The following COL25A1 variants were observed in gnomAD, a reference collection of about 807,000 sequenced individuals.
COL25A1 encodes the protein collagen alpha-1(XXV) chain.
COL25A1 carries 103 observed loss-of-function variants against 128.4 expected under a neutral mutation model. That is an observed-to-expected ratio of 0.80 (90% CI 0.68 to 0.94). COL25A1 has a LOEUF of 0.94. Ranked by LOEUF, COL25A1 falls within the 40% of genes least tolerant of loss-of-function variation. The pLI, the probability that COL25A1 is intolerant of heterozygous loss-of-function variation, is 0.00. For synonymous variants in COL25A1, 279 were observed against 277.2 expected (o/e 1.01, Z -0.06); for missense variants, 745 against 840.0 (o/e 0.89, Z 1.40).
chr4:109,149,788 A>C (rs1771295375), intron 3 of COL25A1, among the ~76,000 whole-genome samples: 1 of 152,198 alleles, frequency 6.6e-6, no homozygotes, highest in Admixed American at 6.5e-5. Flanking sequence ...TATAGATATG[A>C]AAAATGATGT....
chr4:108,992,378 G>T (rs184629626), intron 6 of COL25A1, among the ~76,000 whole-genome samples: 47 of 152,264 alleles, frequency 3.1e-4, no homozygotes, highest in African/African-American at 1.1e-3. Flanking sequence ...ATGGTCAATA[G>T]ATCTTTGTAA....
At chr4:109,017,884 G>T (rs1378551808) in intron 5 of COL25A1, among the ~76,000 whole-genome samples, 1 of 152,050 alleles carries the variant, frequency 6.6e-6, no homozygotes, top group Non-Finnish European at 1.5e-5. Flanking sequence ...AGAAACCCAA[G>T]CTTGACTACT....
intron 8 of COL25A1, among the ~76,000 whole-genome samples, chr4:108,946,881 G>A (rs2125937631): frequency 6.6e-6 from 1 of 152,216 alleles, no homozygotes; most frequent in African/African-American, 2.4e-5. Context: ...TAGAACTAGA[G>A]GAGGGACAAA....
chr4:108,998,421 C>A (rs1237023653), intron 6 of COL25A1, among the ~76,000 whole-genome samples: 3 of 152,084 alleles, frequency 2.0e-5, no homozygotes, highest in South Asian at 2.1e-4. Flanking sequence ...ATGTGAAGGA[C>A]CTCTTCAAGG....
intron 19 of COL25A1, among the ~76,000 whole-genome samples, chr4:108,878,920 A>G (rs1489514880): frequency 6.6e-6 from 1 of 152,194 alleles, no homozygotes; most frequent in African/African-American, 2.4e-5. Flanking sequence ...CGATAACACA[A>G]TGTTATTCGT....
chr4:109,164,001 T>C (rs1772829130), intron 3 of COL25A1, among the ~76,000 whole-genome samples: 1 of 151,862 alleles, frequency 6.6e-6, no homozygotes, highest in African/African-American at 2.4e-5. Context: ...AATTAACGAG[T>C]GGTATGGCTC....
intron 3 of COL25A1, among the ~76,000 whole-genome samples, chr4:109,204,065 A>C (rs1776785373): frequency 6.6e-6 from 1 of 152,198 alleles, no homozygotes; most frequent in African/African-American, 2.4e-5. Context: ...TAGTTCTGCA[A>C]GCTTATTATT....
At chr4:109,025,922 TG>T (rs955463323) in intron 5 of COL25A1, among the ~76,000 whole-genome samples, 5 of 152,116 alleles carry the variant, frequency 3.3e-5, no homozygotes, top group African/African-American at 4.8e-5. Context: ...GTTCAAACTA[TG>T]AACATGGGTT....
At chr4:108,832,218 C>A (rs1283614776) in intron 32 of COL25A1, among the ~76,000 whole-genome samples, 162 bp downstream of exon 32, 5 of 152,122 alleles carry the variant, frequency 3.3e-5, no homozygotes, top group Non-Finnish European at 5.9e-5. Context: ...GTTTTCTTCT[C>A]TCAATATTAG....
rs370972544 is a variant in COL25A1, at chr4:109,140,342, T to C, written c.368-90163A>G. 1.8e-4 allele frequency among the ~76,000 whole-genome samples: 28 copies of C among 152,324 alleles called. No homozygotes were observed. In the East Asian group the frequency reaches 4.4e-3, roughly 24 times the overall value. On this transcript the variant is annotated intron_variant, in intron 3 of 37. Coordinates refer to ENST00000399132, the MANE Select transcript of COL25A1 (RefSeq NM_198721.4). ...TATTTTGGTTACTGTAGCCTTGTAG[T>C]ATAGTTTGAAGTCAGGTAGTGTGAT...
chr4:109,212,139 T>G (rs1253485628), intron 3 of COL25A1, among the ~76,000 whole-genome samples: 1 of 152,166 alleles, frequency 6.6e-6, no homozygotes, highest in Non-Finnish European at 1.5e-5. Flanking sequence ...TATCCATTGC[T>G]CATAGCAAAC....
At chr4:109,245,034 T>C (rs920119840) in intron 3 of COL25A1, among the ~76,000 whole-genome samples, 3 of 152,262 alleles carry the variant, frequency 2.0e-5, no homozygotes, top group South Asian at 4.1e-4. Context: ...GGCACTATAA[T>C]TGACACAGTT....
At chr4:109,091,551 T>C (rs575966006) in intron 3 of COL25A1, among the ~76,000 whole-genome samples, 1 of 152,268 alleles carries the variant, frequency 6.6e-6, no homozygotes, top group South Asian at 2.1e-4. Flanking sequence ...CCTATACTTT[T>C]ATACAAACCC....
chr4:109,088,593 C>A (rs1764621403), intron 3 of COL25A1, among the ~76,000 whole-genome samples: 1 of 152,116 alleles, frequency 6.6e-6, no homozygotes, highest in African/African-American at 2.4e-5. Context: ...GCCTATGAAG[C>A]AGACATTCAA....
intron 3 of COL25A1, among the ~76,000 whole-genome samples, chr4:109,282,970 A>G (rs1215444988): frequency 6.6e-6 from 1 of 152,084 alleles, no homozygotes; most frequent in Non-Finnish European, 1.5e-5. Context: ...TATGCATGGT[A>G]AAGCACTGAA....
Position 108,862,519 on chromosome 4 carries a change from T to G in COL25A1, c.1179A>C (p.Arg393Ser). Reference sequence around the variant, plus strand: ...TACTGACCTTTGACCCCTTTGGGCCTCTAGTTCCTGATTCACCTTGTTTCC... The same window carrying G: ...TACTGACCTTTGACCCCTTTGGGCCGCTAGTTCCTGATTCACCTTGTTTCC... ...PKGKQGESGTRGPKGSKGDRG... is the reference protein window; with the variant it reads ...PKGKQGESGTSGPKGSKGDRG... The change falls in exon 22 of 38, where the codon AGA (arginine) becomes AGC (serine). Residue 393 changes from arginine (R) to serine (S), a missense_variant. Physicochemically the swap from Arg to Ser is moderately radical, Grantham distance 110. Coordinates refer to ENST00000399132, the MANE Select transcript of COL25A1 (RefSeq NM_198721.4). The G allele has an allele frequency of 6.2e-7, 1 of 1,612,058 alleles. No homozygotes were observed. Among genetic ancestry groups the G allele is most frequent in the Non-Finnish European group, 8.5e-7 (1 of 1,178,172 alleles).
At chr4:108,932,232 T>C (rs1288755839) in intron 11 of COL25A1, among the ~76,000 whole-genome samples, 1 of 152,158 alleles carries the variant, frequency 6.6e-6, no homozygotes, top group Non-Finnish European at 1.5e-5. Flanking sequence ...TTGAACATAT[T>C]TAAAGTAAAC....
At chr4:109,170,609 G>T (rs1773498323) in intron 3 of COL25A1, among the ~76,000 whole-genome samples, 1 of 152,122 alleles carries the variant, frequency 6.6e-6, no homozygotes, top group Non-Finnish European at 1.5e-5. Context: ...CAAACGCGTG[G>T]ATGGATAAGG....
intron 8 of COL25A1, among the ~76,000 whole-genome samples, chr4:108,970,601 C>T (rs2125984468): frequency 6.6e-6 from 1 of 152,216 alleles, no homozygotes; most frequent in African/African-American, 2.4e-5. Context: ...TTCAAGAATA[C>T]AATATATTGT....
Sources: allele counts gnomAD v4.1 joint callset (sites outside exome capture counted in the v4.1 genomes callset), GRCh38; gene constraint gnomAD v4.1.1; transcripts MANE v1.5; gene names NCBI Gene and HGNC (gene_info 2026-07-23, HGNC 2026-07-21).